SPAG16: variants seen among roughly 807,000 people sequenced by gnomAD.
The protein encoded by SPAG16 is sperm associated antigen 16.
SPAG16 carries 86 observed loss-of-function variants against 80.4 expected under a neutral mutation model. That is an observed-to-expected ratio of 1.07 (90% CI 0.90 to 1.28). The LOEUF (loss-of-function observed/expected upper bound fraction) is 1.28, where lower values mean the gene tolerates loss of function less well. Among genes scored for constraint, SPAG16 ranks in the 50% most tolerant of loss-of-function variants. SPAG16 has a pLI of 0.00. For missense variants in SPAG16, 870 were observed against 765.3 expected (o/e 1.14, Z -1.61); for synonymous variants, 294 against 265.9 (o/e 1.11, Z -1.03).
chr2:214,391,401 C>T (rs952738548), intron 15 of SPAG16, among the ~76,000 whole-genome samples: 1 of 152,098 alleles, frequency 6.6e-6, no homozygotes, highest in African/African-American at 2.4e-5. Context: ...AAATTTTAAA[C>T]TATATTCCTA....
At chr2:214,174,087 G>C (rs1409530876) in intron 15 of SPAG16, among the ~76,000 whole-genome samples, 1 of 151,884 alleles carries the variant, frequency 6.6e-6, no homozygotes. Context: ...AAAATAATAA[G>C]AGCTATCTAT....
intron 9 of SPAG16, among the ~76,000 whole-genome samples, chr2:213,448,367 C>A (rs924099563): frequency 6.6e-6 from 1 of 152,208 alleles, no homozygotes; most frequent in African/African-American, 2.4e-5. Flanking sequence ...CTCTCAAGCT[C>A]ATTTATCCAT....
At chr2:214,059,250 ATATATGTATG>A (rs1312525150) in intron 13 of SPAG16, among the ~76,000 whole-genome samples, 10 of 107,388 alleles carry the variant, frequency 9.3e-5, no homozygotes, top group East Asian at 2.2e-4. Context: ...ATGTATGTAT[ATATATGTATG>A]TATATATATA....
At chr2:213,868,047 A>T (rs1575407163) in intron 11 of SPAG16, among the ~76,000 whole-genome samples, 1 of 152,044 alleles carries the variant, frequency 6.6e-6, no homozygotes, top group African/African-American at 2.4e-5. Flanking sequence ...CTCTGTTGGA[A>T]AAATGATATG....
intron 9 of SPAG16, among the ~76,000 whole-genome samples, chr2:213,446,170 T>G (rs1206809181): frequency 6.6e-6 from 1 of 152,204 alleles, no homozygotes; most frequent in Non-Finnish European, 1.5e-5. Context: ...GCAAGAACTC[T>G]GGCAACTCTT....
chr2:213,312,072 A>G (rs1030309977), intron 4 of SPAG16, among the ~76,000 whole-genome samples: 1 of 151,818 alleles, frequency 6.6e-6, no homozygotes, highest in South Asian at 2.1e-4. Flanking sequence ...ATTGGAACAC[A>G]GATATAACCT....
chr2:214,246,697 A>G (rs1350343770), intron 15 of SPAG16, among the ~76,000 whole-genome samples: 2 of 152,120 alleles, frequency 1.3e-5, no homozygotes, highest in Admixed American at 6.6e-5. Flanking sequence ...ACTTTAAGCT[A>G]AAACCACCCA....
At chr2:213,533,474 A>G (rs1010813324) in intron 10 of SPAG16, among the ~76,000 whole-genome samples, 1 of 152,146 alleles carries the variant, frequency 6.6e-6, no homozygotes, top group Admixed American at 6.6e-5. Flanking sequence ...CTCTAACACA[A>G]TTCTCATCTG....
At chr2:213,604,540 G>A (rs1311028590) in intron 10 of SPAG16, among the ~76,000 whole-genome samples, 2 of 151,876 alleles carry the variant, frequency 1.3e-5, no homozygotes, top group Non-Finnish European at 2.9e-5. Flanking sequence ...TATTGCCTAG[G>A]TTCAGTATCT....
At chr2:213,666,091 A>T (rs950057378) in intron 10 of SPAG16, among the ~76,000 whole-genome samples, 3 of 152,204 alleles carry the variant, frequency 2.0e-5, no homozygotes, top group African/African-American at 7.2e-5. Context: ...GTGAGTGGGC[A>T]ATTCATAAAT....
At chr2:213,603,418 T>C (rs1487496213) in intron 10 of SPAG16, among the ~76,000 whole-genome samples, 1 of 152,252 alleles carries the variant, frequency 6.6e-6, no homozygotes, top group Non-Finnish European at 1.5e-5. Context: ...ATGCCATGTT[T>C]TGATGAAAAG....
At chr2:213,384,003 C>T (rs764162410) in intron 9 of SPAG16, among the ~76,000 whole-genome samples, 32 of 152,194 alleles carry the variant, frequency 2.1e-4, no homozygotes, top group Non-Finnish European at 3.8e-4. Flanking sequence ...ACATGTTAAT[C>T]TGCTGTTGCA....
intron 10 of SPAG16, among the ~76,000 whole-genome samples, chr2:213,678,345 G>A (rs1194646666): frequency 6.6e-6 from 1 of 151,876 alleles, no homozygotes; most frequent in East Asian, 1.9e-4. Flanking sequence ...TTTTTTGAAA[G>A]GATCAACAAA....
intron 11 of SPAG16, among the ~76,000 whole-genome samples, chr2:213,883,068 G>A (rs1350870585): frequency 1.3e-5 from 2 of 151,884 alleles, no homozygotes; most frequent in Admixed American, 6.6e-5. Context: ...GGGTTTCACC[G>A]TGTTAGCCAG....
At position 213,425,099 on chromosome 2, in the gene SPAG16, G is replaced by A. The variant is rs545609881; in HGVS notation, c.942+49980G>A. On this transcript the variant is annotated intron_variant, in intron 9 of 15. Coordinates refer to ENST00000331683, the MANE Select transcript of SPAG16 (RefSeq NM_024532.5). Reference sequence around the variant, plus strand: ...AGCACTTTAGGAGGCTGAGGTGGGCGGATCACGAGGTCAGGAGATTGAGAC... The same window carrying A: ...AGCACTTTAGGAGGCTGAGGTGGGCAGATCACGAGGTCAGGAGATTGAGAC... 1.6e-4 allele frequency among the ~76,000 whole-genome samples: 25 copies of A among 152,060 alleles called. 1 individual carries two copies. The highest frequency in any genetic ancestry group is 5.8e-4 in the East Asian group (3 of 5,166).
intron 10 of SPAG16, among the ~76,000 whole-genome samples, chr2:213,818,409 C>T (rs1270525100): frequency 6.6e-6 from 1 of 152,102 alleles, no homozygotes; most frequent in African/African-American, 2.4e-5. Context: ...ATTTACTTCC[C>T]CTGTAATGTT....
chr2:214,008,801 A>G (rs1027259245), intron 12 of SPAG16, among the ~76,000 whole-genome samples: 1 of 152,140 alleles, frequency 6.6e-6, no homozygotes, highest in Non-Finnish European at 1.5e-5. Context: ...GGAGAAATCT[A>G]TATTAGGTTT....
At chr2:213,716,331 A>G (rs2066237779) in intron 10 of SPAG16, among the ~76,000 whole-genome samples, 1 of 152,316 alleles carries the variant, frequency 6.6e-6, no homozygotes, top group East Asian at 1.9e-4. Flanking sequence ...CTGATGTACA[A>G]AATGATGTGA....
chr2:213,690,978 T>C (rs941312830), intron 10 of SPAG16, among the ~76,000 whole-genome samples: 1 of 152,148 alleles, frequency 6.6e-6, no homozygotes, highest in Non-Finnish European at 1.5e-5. Context: ...TATATAGATA[T>C]ATATATAGAT....
Sources: allele counts gnomAD v4.1 joint callset (sites outside exome capture counted in the v4.1 genomes callset), GRCh38; gene constraint gnomAD v4.1.1; transcripts MANE v1.5; gene names NCBI Gene and HGNC (gene_info 2026-07-23, HGNC 2026-07-21).